MAP7D2: variants seen among roughly 807,000 people sequenced by gnomAD.
MAP7D2 encodes the protein MAP7 domain-containing protein 2.
MAP7D2 carries 33 observed loss-of-function variants against 63.5 expected under a neutral mutation model. The ratio of observed to expected loss-of-function variants is 0.52; its 90% CI spans 0.39 to 0.70. The LOEUF is 0.70. Among genes scored for constraint, MAP7D2 ranks in the 30% least tolerant of loss-of-function variants. The pLI is 0.00. For synonymous variants in MAP7D2, 224 were observed against 223.7 expected, an observed-to-expected ratio of 1.00 and a Z score of -0.01; for missense variants, 626 against 604.0, an observed-to-expected ratio of 1.04 and a Z score of -0.38.
intron 1 of MAP7D2, among the ~76,000 whole-genome samples, chrX:20,093,104 CAT>C (rs1185964855): frequency 3.6e-5 from 4 of 111,747 alleles, no homozygotes; most frequent in Non-Finnish European, 7.5e-5. Context: ...AGGCTGGCCT[CAT>C]AGTGACAGAA....
intron 12 of MAP7D2, among the ~76,000 whole-genome samples, chrX:20,013,951 A>C (rs1346254989): frequency 8.9e-6 from 1 of 112,293 alleles, no homozygotes; most frequent in Non-Finnish European, 1.9e-5. Context: ...ACCACCCTAC[A>C]GAAAGTGAGG....
At chrX:20,030,372 G>A (rs1025274243) in intron 8 of MAP7D2, among the ~76,000 whole-genome samples, 1 of 111,762 alleles carries the variant, frequency 8.9e-6, no homozygotes, top group African/African-American at 3.3e-5. Flanking sequence ...ATTTTTTAAG[G>A]TCCAATAAAA....
At chrX:20,066,137 T>A (rs1471933171) in intron 1 of MAP7D2, among the ~76,000 whole-genome samples, 3 of 111,457 alleles carry the variant, frequency 2.7e-5, no homozygotes, top group Non-Finnish European at 5.7e-5. Flanking sequence ...TTAGCCAGGA[T>A]GGTCTCGATC....
chrX:20,016,542 G>A (rs1033341058), intron 10 of MAP7D2, among the ~76,000 whole-genome samples: 3 of 112,439 alleles, frequency 2.7e-5, no homozygotes, highest in African/African-American at 6.5e-5. Context: ...TTTAAATTCT[G>A]TAATACAGCA....
intron 6 of MAP7D2, among the ~76,000 whole-genome samples, chrX:20,048,090 C>T (rs1247088573): frequency 9.0e-6 from 1 of 111,465 alleles, no homozygotes; most frequent in East Asian, 2.8e-4. Flanking sequence ...ACTGCTGTCC[C>T]TACTAAGGCC....
rs7890262 is a variant in MAP7D2, at chrX:20,064,659, G to A, written c.208+69C>T. Reference sequence around the variant, plus strand: ...TTCCCATTCATTCACAAATTTCTAAGAATCTTCAGAAAAGACACCACCATA... The same window carrying A: ...TTCCCATTCATTCACAAATTTCTAAAAATCTTCAGAAAAGACACCACCATA... On this transcript the variant is annotated intron_variant, in intron 2 of 16. Transcript: ENST00000379643. The A allele has an allele frequency of 5.3e-3, 4,882 of 918,109 alleles. 139 individuals carry two copies. The African/African-American group carries it at 0.081, about 15-fold the overall frequency. 75.7% of individuals were successfully genotyped at this position (918,109 alleles called of 1,213,427 possible).
At chrX:20,116,693 C>G (rs2066903505) in intron 1 of MAP7D2, 57 bp downstream of exon 1, 11 of 1,107,904 alleles carry the variant, frequency 9.9e-6, no homozygotes, top group South Asian at 7.0e-5. Context: ...CCGCCGGGCC[C>G]GCCCCCCCAC....
intron 1 of MAP7D2, among the ~76,000 whole-genome samples, chrX:20,085,613 G>C (rs1427024833): frequency 8.9e-6 from 1 of 112,538 alleles, no homozygotes; most frequent in Non-Finnish European, 1.9e-5. Context: ...AGGACAGGGC[G>C]TGATGGTTGT....
intron 10 of MAP7D2, among the ~76,000 whole-genome samples, chrX:20,020,371 T>G (rs1424690961): frequency 1.8e-5 from 2 of 111,927 alleles, no homozygotes; most frequent in Non-Finnish European, 3.8e-5. Flanking sequence ...CATTCATGAC[T>G]GCTTAACAGC....
At position 20,010,898 on chromosome X, in the gene MAP7D2, A is replaced by T. The variant is rs770675596; in HGVS notation, c.2227T>A (p.Ser743Thr). 2.2e-5 allele frequency: 27 copies of T among 1,209,370 alleles called. No individual in the cohort carries two copies. Among genetic ancestry groups the T allele is most frequent in the Admixed American group, 4.4e-5 (2 of 45,654 alleles). ...TCGTCCAGGCTGAGATTTTCACTGG[A>T]TCTCTTGGGGAATGTCGGGGGACCA... The part of the protein sequence containing the change: ...FTGPPTFPKR[S>T]SENLSLDDCN... Residue 743 changes from serine to threonine, a missense_variant, in exon 16 of 17, where the codon TCC becomes ACC. Ser to Thr is a moderately conservative substitution (Grantham distance 58). Transcript: ENST00000379643.
At chrX:20,111,599 G>A (rs928825215) in intron 1 of MAP7D2, among the ~76,000 whole-genome samples, 4 of 111,463 alleles carry the variant, frequency 3.6e-5, no homozygotes, top group African/African-American at 6.5e-5. Context: ...TTGTGAGGCC[G>A]GGGGAATGAA....
intron 1 of MAP7D2, among the ~76,000 whole-genome samples, chrX:20,074,283 A>G (rs996982432): frequency 9.0e-6 from 1 of 110,820 alleles, no homozygotes; most frequent in Non-Finnish European, 1.9e-5. Flanking sequence ...CTCCTGGGAG[A>G]GAGGAGGTGG....
At chrX:20,102,698 C>A (rs985288168) in intron 1 of MAP7D2, among the ~76,000 whole-genome samples, 2 of 107,726 alleles carry the variant, frequency 1.9e-5, no homozygotes, top group African/African-American at 6.8e-5. Flanking sequence ...CAGAGTCTGA[C>A]CCAAAGCACT....
intron 8 of MAP7D2, among the ~76,000 whole-genome samples, chrX:20,030,452 A>G (rs1450905113): frequency 8.9e-6 from 1 of 112,295 alleles, no homozygotes; most frequent in African/African-American, 3.2e-5. Context: ...ATAAGGCAGT[A>G]TGATATAACC....
chrX:20,038,328 AC>A (rs1288455223), intron 8 of MAP7D2, among the ~76,000 whole-genome samples: 1 of 111,915 alleles, frequency 8.9e-6, no homozygotes, highest in East Asian at 2.8e-4. Context: ...CAAGGCACTC[AC>A]TTTACGGCTA....
intron 8 of MAP7D2, among the ~76,000 whole-genome samples, chrX:20,035,980 C>T (rs955285867): frequency 9.1e-6 from 1 of 109,507 alleles, no homozygotes; most frequent in Non-Finnish European, 1.9e-5. Context: ...TCTAGAAACA[C>T]AATCTTCTTC....
chrX:20,055,154 G>A (rs2065041550), intron 4 of MAP7D2, among the ~76,000 whole-genome samples: 1 of 110,082 alleles, frequency 9.1e-6, no homozygotes, highest in South Asian at 3.9e-4. Flanking sequence ...AGTTTGGCTA[G>A]TTCTGTTCTT....
intron 8 of MAP7D2, among the ~76,000 whole-genome samples, chrX:20,033,394 G>C (rs762576345): frequency 5.2e-4 from 58 of 112,052 alleles, no homozygotes; most frequent in African/African-American, 1.9e-3. Flanking sequence ...AAGAGGTAGA[G>C]ATGGGCTGGA....
At chrX:20,037,706 C>T (rs918241444) in intron 8 of MAP7D2, among the ~76,000 whole-genome samples, 8 of 111,535 alleles carry the variant, frequency 7.2e-5, no homozygotes, top group African/African-American at 2.0e-4. Context: ...TTTGGCTGGA[C>T]GGTTAGGGAC....
Sources: allele counts gnomAD v4.1 joint callset (sites outside exome capture counted in the v4.1 genomes callset), GRCh38; gene constraint gnomAD v4.1.1; transcripts MANE v1.5; gene names NCBI Gene and HGNC (gene_info 2026-07-23, HGNC 2026-07-21).